Variants in PLXNC1 observed in about 807,000 individuals in gnomAD.
PLXNC1 encodes the protein plexin-C1.
In PLXNC1, 75 loss-of-function variants were observed where a neutral mutation model predicts 178.2. The ratio of observed to expected loss-of-function variants is 0.42; its 90% CI spans 0.35 to 0.51. The LOEUF (loss-of-function observed/expected upper bound fraction) is 0.51, where lower values mean the gene tolerates loss of function less well. PLXNC1 is among the 20% of genes least tolerant of loss of function. The pLI is 0.02. For synonymous variants in PLXNC1, 790 were observed against 779.9 expected (o/e 1.01, Z -0.22); for missense variants, 1,503 against 1,984.4 (o/e 0.76, Z 4.61).
At chr12:94,220,839 G>A (rs879560301) in intron 6 of PLXNC1, among the ~76,000 whole-genome samples, 7 of 152,218 alleles carry the variant, frequency 4.6e-5, no homozygotes, top group Admixed American at 4.6e-4. Flanking sequence ...AGACAAAGAC[G>A]ATGGGGATGG....
At chr12:94,178,525 T>G (rs1009839793) in intron 2 of PLXNC1, among the ~76,000 whole-genome samples, 1 of 152,222 alleles carries the variant, frequency 6.6e-6, no homozygotes, top group Non-Finnish European at 1.5e-5. Flanking sequence ...CCAGATCAAC[T>G]GAATCTGAGC....
chr12:94,216,313 T>A (rs1963645462), intron 5 of PLXNC1, among the ~76,000 whole-genome samples: 1 of 148,358 alleles, frequency 6.7e-6, no homozygotes, highest in Non-Finnish European at 1.5e-5. Flanking sequence ...CAGGAAAATA[T>A]TTGCCACTAA....
chr12:94,186,682 C>T (rs1198634688), intron 4 of PLXNC1: 1 of 498,044 alleles, frequency 2.0e-6, no homozygotes, highest in Non-Finnish European at 3.7e-6. Flanking sequence ...CGGGAGCTCC[C>T]CAGTCTCGGG....
intron 2 of PLXNC1, among the ~76,000 whole-genome samples, chr12:94,175,819 G>C (rs982603155): frequency 2.6e-5 from 4 of 152,198 alleles, no homozygotes; most frequent in Non-Finnish European, 5.9e-5. Context: ...CCCTTGCTCT[G>C]CTGGTGGGAA....
At chr12:94,296,659 C>G (rs1565871008) in intron 24 of PLXNC1, among the ~76,000 whole-genome samples, 1 of 152,234 alleles carries the variant, frequency 6.6e-6, no homozygotes, top group African/African-American at 2.4e-5. Context: ...GCCTAGCTGA[C>G]TCTATCTCTT....
Position 94,260,588 on chromosome 12 carries a change from G to T in PLXNC1, c.3252-54G>T. ...AGTGAGCTTCCATGGAAACTCCCATGGGTGTCCAGCTAGGCCTGCAGCCAA... is the reference window on the plus strand; with the variant it reads ...AGTGAGCTTCCATGGAAACTCCCATTGGTGTCCAGCTAGGCCTGCAGCCAA... On this transcript the variant is annotated intron_variant, in intron 19 of 30. Coordinates refer to ENST00000258526, the MANE Select transcript of PLXNC1 (RefSeq NM_005761.3). The surrounding 1 kb of genome is among the most constrained non-coding windows in gnomAD (Gnocchi z 4.4). The T allele has an allele frequency of 1.5e-6, 2 of 1,359,580 alleles. No individual in the cohort carries two copies. Among genetic ancestry groups the T allele is most frequent in the South Asian group, 1.2e-5 (1 of 84,172 alleles). The allele number at this position is 1,359,580 out of a possible 1,614,324, so 84.2% of individuals were successfully genotyped here.
At chr12:94,223,675 C>T (rs1963856163) in intron 6 of PLXNC1, among the ~76,000 whole-genome samples, 1 of 152,178 alleles carries the variant, frequency 6.6e-6, no homozygotes, top group Non-Finnish European at 1.5e-5. Flanking sequence ...GTTTTCTAAC[C>T]AATGAGTAGG....
At position 94,209,722 on chromosome 12, in the gene PLXNC1, A is replaced by G; in HGVS notation, c.1554+18A>G. ...AAGAAAAGGTAAGAGGAAAGATTTT[A>G]ATTTGTCCTCGTTGTATTGTCTCAT... is the stretch of plus-strand genomic sequence containing the variant. On this transcript the variant is annotated intron_variant, in intron 5 of 30. Transcript: ENST00000258526. 6.9e-7 allele frequency: 1 copy of G among 1,438,952 alleles called. No individual in the cohort carries two copies. Among genetic ancestry groups the G allele is most frequent in the Non-Finnish European group, 9.8e-7 (1 of 1,021,494 alleles). The allele number at this position is 1,438,952 out of a possible 1,614,324, so 89.1% of individuals were successfully genotyped here. A position where few individuals can be genotyped will look rare whatever the true frequency, so the allele number is the denominator to read the frequency against.
At chr12:94,266,503 G>A (rs1041103192) in intron 21 of PLXNC1, among the ~76,000 whole-genome samples, 2 of 152,240 alleles carry the variant, frequency 1.3e-5, no homozygotes, top group African/African-American at 4.8e-5. Flanking sequence ...GCATGCTGGA[G>A]TTTCCGATGC....
intron 3 of PLXNC1, among the ~76,000 whole-genome samples, chr12:94,183,914 G>T (rs550074954): frequency 6.6e-6 from 1 of 152,128 alleles, no homozygotes; most frequent in Non-Finnish European, 1.5e-5. Context: ...CAAATATAAC[G>T]CCTAAAGAGA....
intron 21 of PLXNC1, among the ~76,000 whole-genome samples, chr12:94,275,482 C>T (rs1218778690): frequency 2.6e-5 from 4 of 152,132 alleles, no homozygotes; most frequent in Non-Finnish European, 4.4e-5. Flanking sequence ...AGCAGAGGCC[C>T]GCGTGCACTT....
chr12:94,268,240 A>G (rs1199050668), intron 21 of PLXNC1, among the ~76,000 whole-genome samples: 2 of 152,234 alleles, frequency 1.3e-5, no homozygotes, highest in Non-Finnish European at 1.5e-5. Flanking sequence ...GGGATTTTCT[A>G]GAACATAAAG....
chr12:94,155,509 G>T (rs17022077), intron 1 of PLXNC1, among the ~76,000 whole-genome samples: 2 of 152,070 alleles, frequency 1.3e-5, no homozygotes, highest in South Asian at 2.1e-4. Flanking sequence ...GGAACTTGTC[G>T]CATTTTTTTT....
chr12:94,206,038 C>T (rs181396993), intron 4 of PLXNC1, among the ~76,000 whole-genome samples: 21 of 152,316 alleles, frequency 1.4e-4, no homozygotes, highest in African/African-American at 5.1e-4. Context: ...GAACTAACTG[C>T]AAACACTCCC....
chr12:94,277,071 A>C (rs574015046), intron 21 of PLXNC1: 2 of 152,248 alleles, frequency 1.3e-5, no homozygotes, highest in Non-Finnish European at 2.9e-5. Flanking sequence ...TAAACACCAT[A>C]AACTGGGTGG....
At chr12:94,218,965 C>G (rs1367823539) in intron 5 of PLXNC1, among the ~76,000 whole-genome samples, 1 of 152,066 alleles carries the variant, frequency 6.6e-6, no homozygotes, top group Non-Finnish European at 1.5e-5. Flanking sequence ...CAAAGAGAAA[C>G]AGATGAAAAA....
In PLXNC1 at chr12:94,270,594, A is replaced by AC. The variant is rs568836187; in HGVS notation, c.3597+5374dup. ...TTGCCAACACACAACACCCACCCCC[A>AC]CCCCCAACCCTGCACCCGCAAATAC... On this transcript the variant is annotated intron_variant, in intron 21 of 30. Coordinates refer to ENST00000258526, the MANE Select transcript of PLXNC1 (RefSeq NM_005761.3). 8.0e-4 allele frequency among the ~76,000 whole-genome samples: 100 copies of AC among 125,096 alleles called. No homozygotes were observed. The East Asian group carries it at 0.018, about 22-fold the overall frequency. The allele number at this position is 125,096 out of a possible 152,430, so 82.1% of individuals were successfully genotyped here. A position where few individuals can be genotyped will look rare whatever the true frequency, so the allele number is the denominator to read the frequency against.
At chr12:94,223,595 A>T (rs1028096721) in intron 6 of PLXNC1, among the ~76,000 whole-genome samples, 2 of 152,224 alleles carry the variant, frequency 1.3e-5, no homozygotes, top group African/African-American at 4.8e-5. Flanking sequence ...TTAAAGAGAT[A>T]CAGGAAATAC....
rs1966523542 is a variant in PLXNC1 at position 94,282,533 on chromosome 12, A to C, written c.3879+132A>C. On this transcript the variant is annotated intron_variant, in intron 23 of 30. Transcript: ENST00000258526. ...GCAGATCGATCGTGTCTGGGGCTGA[A>C]GTTTTCTTTCGTTGCTTGTGCAGAC... is the stretch of plus-strand genomic sequence containing the variant. 4.7e-6 allele frequency: 3 copies of C among 641,456 alleles called. No individual in the cohort carries two copies. The South Asian group carries it at 5.8e-5, about 12-fold the overall frequency. 39.7% of individuals were successfully genotyped at this position (641,456 alleles called of 1,614,324 possible).
Sources: allele counts gnomAD v4.1 joint callset (sites outside exome capture counted in the v4.1 genomes callset), GRCh38; gene constraint gnomAD v4.1.1; non-coding constraint Gnocchi (gnomAD v3.1); transcripts MANE v1.5; gene names NCBI Gene and HGNC (gene_info 2026-07-23, HGNC 2026-07-21).